SASH1: variants seen among roughly 807,000 people sequenced by gnomAD.
SASH1 encodes SAM and SH3 domain-containing protein 1.
In SASH1, 44 loss-of-function variants were observed where a neutral mutation model predicts 125.2. The ratio of observed to expected loss-of-function variants is 0.35; its 90% CI spans 0.28 to 0.45. SASH1 has a LOEUF of 0.45. SASH1 is among the 20% of genes least tolerant of loss of function. The pLI, the probability that SASH1 is intolerant of heterozygous loss-of-function variation, is 1.00. For synonymous variants in SASH1, 639 were observed against 649.1 expected, an observed-to-expected ratio of 0.98 and a Z score of 0.24; for missense variants, 1,426 against 1,614.5, an observed-to-expected ratio of 0.88 and a Z score of 2.00.
At chr6:148,542,322 C>T (rs1223396471) in intron 17 of SASH1, among the ~76,000 whole-genome samples, 2 of 152,018 alleles carry the variant, frequency 1.3e-5, no homozygotes, top group Non-Finnish European at 2.9e-5. Flanking sequence ...CTATTTCAAC[C>T]CACTTTTAAA....
At position 148,489,884 on chromosome 6, in the gene SASH1, GTGTA is replaced by G. The variant is rs1023197297; in HGVS notation, c.729+2171_729+2174del. Among the ~76,000 whole-genome samples the G allele has an allele frequency of 3.7e-5, 5 of 136,326 alleles. No homozygotes were observed. In the South Asian group the frequency reaches 9.4e-4, roughly 26 times the overall value. 89.4% of individuals were successfully genotyped at this position (136,326 alleles called of 152,430 possible). On this transcript the variant is annotated intron_variant, in intron 8 of 19. Coordinates refer to ENST00000367467, the MANE Select transcript of SASH1 (RefSeq NM_015278.5). The stretch of plus-strand genomic sequence containing the variant: ...TGTGTGTGTGTGTGTGTGTGTGTGT[GTGTA>G]TAGTGTTAGGGTTTTCTATATATAA...
At chr6:148,387,660 CTTTCTTTCTTTCT>C (rs1783514019) in intron 1 of SASH1, among the ~76,000 whole-genome samples, 1 of 55,798 alleles carries the variant, frequency 1.8e-5, no homozygotes, top group Non-Finnish European at 3.3e-5. Flanking sequence ...TTCTTTCTTT[CTTTCTTTCTTTCT>C]TTCTTTCTTT....
chr6:148,427,260 CT>C (rs1775863485), intron 2 of SASH1, among the ~76,000 whole-genome samples: 1 of 152,100 alleles, frequency 6.6e-6, no homozygotes, highest in African/African-American at 2.4e-5. Flanking sequence ...GTCTTTACCC[CT>C]GGGAAATTCA....
At chr6:148,244,160 A>T in the SASH1 span, among the ~76,000 whole-genome samples, 1 of 152,188 alleles carries the variant, frequency 6.6e-6, no homozygotes, top group Non-Finnish European at 1.5e-5. Context: ...GCACTTGACC[A>T]TCTTCCCCCT....
intron 8 of SASH1, among the ~76,000 whole-genome samples, chr6:148,502,333 CCT>C (rs1419120703): frequency 6.6e-6 from 1 of 152,098 alleles, no homozygotes; most frequent in Non-Finnish European, 1.5e-5. Flanking sequence ...TGAGTCCTCC[CCT>C]GACTCCTTTG....
At chr6:148,521,655 T>C (rs1780820596) in intron 10 of SASH1, among the ~76,000 whole-genome samples, 1 of 152,236 alleles carries the variant, frequency 6.6e-6, no homozygotes, top group Non-Finnish European at 1.5e-5. Flanking sequence ...AGTTTTTCAA[T>C]GGTTGAGTTT....
At chr6:148,450,931 T>C (rs939183198) in intron 4 of SASH1, among the ~76,000 whole-genome samples, 3 of 152,210 alleles carry the variant, frequency 2.0e-5, no homozygotes, top group African/African-American at 7.2e-5. Context: ...GTTTCCACAA[T>C]TATCAAATGA....
chr6:148,381,697 T>C (rs1248544247), intron 1 of SASH1, among the ~76,000 whole-genome samples: 1 of 141,786 alleles, frequency 7.1e-6, no homozygotes, highest in African/African-American at 2.6e-5. Flanking sequence ...GCAATAATCT[T>C]GGCTCACTGC....
intron 2 of SASH1, among the ~76,000 whole-genome samples, chr6:148,392,206 A>C (rs1783754700): frequency 6.6e-6 from 1 of 151,910 alleles, no homozygotes; most frequent in African/African-American, 2.4e-5. Flanking sequence ...GAATCACTTG[A>C]AACTGGGAGG....
At chr6:148,455,416 G>A (rs1223302298) in intron 4 of SASH1, among the ~76,000 whole-genome samples, 3 of 152,246 alleles carry the variant, frequency 2.0e-5, no homozygotes, top group Admixed American at 6.5e-5. Flanking sequence ...TCATCGTCAC[G>A]GTGACCTTGG....
At chr6:148,264,710 A>G in the SASH1 span, among the ~76,000 whole-genome samples, 1 of 152,086 alleles carries the variant, frequency 6.6e-6, no homozygotes, top group African/African-American at 2.4e-5. Flanking sequence ...TTTGCCAGTT[A>G]TGTTTCTCTT....
intron 1 of SASH1, among the ~76,000 whole-genome samples, chr6:148,326,318 G>A (rs1486597351): frequency 3.8e-4 from 5 of 13,004 alleles, no homozygotes; most frequent in East Asian, 2.1e-3. Context: ...GTGAGCCACC[G>A]CATGCATATA....
At chr6:148,458,966 CAA>C (rs36114725) in intron 4 of SASH1, among the ~76,000 whole-genome samples, 14 of 132,864 alleles carry the variant, frequency 1.1e-4, no homozygotes, top group Non-Finnish European at 1.6e-4. Flanking sequence ...GAACCTGTCT[CAA>C]AAAAAAAAAA....
At chr6:148,351,351 T>A (rs1451399556) in intron 1 of SASH1, among the ~76,000 whole-genome samples, 1 of 152,156 alleles carries the variant, frequency 6.6e-6, no homozygotes, top group African/African-American at 2.4e-5. Context: ...TAATGTTCTC[T>A]GTGTTCACAG....
intron 1 of SASH1, among the ~76,000 whole-genome samples, chr6:148,309,501 A>T (rs1317660990): frequency 6.6e-6 from 1 of 152,110 alleles, no homozygotes; most frequent in East Asian, 1.9e-4. Flanking sequence ...TTCTGGCCCC[A>T]GATTGTCTCT....
chr6:148,384,501 T>C (rs532150949), intron 1 of SASH1, among the ~76,000 whole-genome samples: 1 of 152,216 alleles, frequency 6.6e-6, no homozygotes, highest in South Asian at 2.1e-4. Context: ...TGCTTGACAT[T>C]AGTATGGTGG....
chr6:148,253,136 A>G, the SASH1 span, among the ~76,000 whole-genome samples: 1 of 152,176 alleles, frequency 6.6e-6, no homozygotes, highest in Admixed American at 6.5e-5. Context: ...AACAGTCCTA[A>G]AAAAGAAGAG....
intron 2 of SASH1, among the ~76,000 whole-genome samples, chr6:148,421,126 A>AAAGGAAGG (rs148595857): frequency 0.038 from 3,160 of 82,170 alleles, 257 homozygotes; most frequent in South Asian, 0.049. Context: ...AGAAAGGAAG[A>AAAGGAAGG]AAGGAAGGAA....
chr6:148,244,990 G>A, the SASH1 span, among the ~76,000 whole-genome samples: 1 of 145,604 alleles, frequency 6.9e-6, no homozygotes, highest in Non-Finnish European at 1.5e-5. Flanking sequence ...GAGAGAGAAA[G>A]ATTACAAGCT....
Sources: gnomAD v4.1 joint callset for allele counts (sites outside exome capture counted in the v4.1 genomes callset) on GRCh38, gnomAD v4.1.1 for gene constraint, MANE v1.5 for transcripts, NCBI Gene and HGNC (gene_info 2026-07-23, HGNC 2026-07-21) for gene names.